The following SRGAP3 variants were observed in gnomAD, a reference collection of about 807,000 sequenced individuals.
SRGAP3 encodes SLIT-ROBO Rho GTPase-activating protein 3.
Under a neutral mutation model 121.1 loss-of-function variants are expected in SRGAP3, and 39 were observed. The ratio of observed to expected loss-of-function variants is 0.32; its 90% CI spans 0.25 to 0.42. SRGAP3 has a LOEUF of 0.42. Ranked by LOEUF, SRGAP3 falls within the 10% of genes least tolerant of loss-of-function variation. The probability of loss-of-function intolerance (pLI) is 1.00; values close to 1 mark genes in which losing one functional copy is unlikely to be tolerated. For missense variants in SRGAP3, 1,213 were observed against 1,470.6 expected (o/e 0.82, Z 2.86); for synonymous variants, 601 against 570.0 (o/e 1.05, Z -0.77).
intron 10 of SRGAP3, among the ~76,000 whole-genome samples, chr3:9,045,452 A>G (rs1462298594): frequency 6.6e-6 from 1 of 152,150 alleles, no homozygotes; most frequent in East Asian, 1.9e-4. Context: ...GTTGAAGGCT[A>G]AATAAACTTG....
chr3:9,277,365 C>T (rs764973591), intron 3 of SRGAP3, among the ~76,000 whole-genome samples: 11 of 151,810 alleles, frequency 7.2e-5, no homozygotes, highest in African/African-American at 2.2e-4. Flanking sequence ...TTTGGGAGGC[C>T]AAGGCGAGCA....
At chr3:9,277,607 C>CAAAAAA (rs35955575) in intron 3 of SRGAP3, among the ~76,000 whole-genome samples, 1 of 59,802 alleles carries the variant, frequency 1.7e-5, no homozygotes, top group Non-Finnish European at 3.0e-5. Context: ...GAAGCCATCT[C>CAAAAAA]AAAAAAAAAA....
intron 3 of SRGAP3, among the ~76,000 whole-genome samples, chr3:9,268,819 C>T (rs1954419001): frequency 1.3e-5 from 2 of 152,326 alleles, no homozygotes; most frequent in South Asian, 4.1e-4. Flanking sequence ...CCAGAACCCA[C>T]TCATTTTTGC....
intron 1 of SRGAP3, among the ~76,000 whole-genome samples, chr3:9,238,506 G>A (rs1436145589): frequency 1.3e-5 from 2 of 152,132 alleles, no homozygotes; most frequent in African/African-American, 4.8e-5. Flanking sequence ...CACCACACGA[G>A]CATATGGGTA....
intron 4 of SRGAP3, among the ~76,000 whole-genome samples, chr3:9,078,535 G>C (rs1947083935): frequency 6.6e-6 from 1 of 152,070 alleles, no homozygotes; most frequent in South Asian, 2.1e-4. Flanking sequence ...TGATGATAGT[G>C]ACACTCAGAA....
chr3:9,047,479 T>C lies in SRGAP3; in HGVS notation c.1324-4A>G. 1 of 1,614,100 alleles carries C rather than the reference T, an allele frequency of 6.2e-7. No individual in the cohort carries two copies. Among genetic ancestry groups the C allele is most frequent in the Non-Finnish European group, 8.5e-7 (1 of 1,179,962 alleles). On this transcript the variant is annotated splice_region_variant and splice_polypyrimidine_tract_variant and intron_variant, in intron 9 of 21. Coordinates refer to ENST00000383836, the MANE Select transcript of SRGAP3 (RefSeq NM_014850.4). The stretch of plus-strand genomic sequence containing the variant: ...CATTCACATACTCTTTAAATTTCTG[T>C]AAGACACAAGGCACAAGGAAGTTAT...
Position 9,058,477 on chromosome 3 carries a change from G to A in SRGAP3, c.802-5C>T. 6.2e-7 allele frequency: 1 copy of A among 1,613,604 alleles called. No individual in the cohort carries two copies. On this transcript the variant is annotated splice_region_variant and splice_polypyrimidine_tract_variant and intron_variant, in intron 6 of 21. Coordinates refer to ENST00000383836, the MANE Select transcript of SRGAP3 (RefSeq NM_014850.4). ...ATGGAAGCCCAAATCACAGCACTTG[G>A]GGAGAGGCAACAACGGAAGGTTATG...
At chr3:9,308,451 A>G (rs1955192985) in intron 3 of SRGAP3, among the ~76,000 whole-genome samples, 1 of 152,178 alleles carries the variant, frequency 6.6e-6, no homozygotes, top group Admixed American at 6.5e-5. Flanking sequence ...CTAGAAGGAG[A>G]ACTGCAGTTC....
rs151202611 is a variant in SRGAP3, at chr3:9,218,754, C to G, written c.67+30131G>C. 1.1e-3 allele frequency among the ~76,000 whole-genome samples: 163 copies of G among 151,950 alleles called. 1 individual carries two copies. The highest frequency in any genetic ancestry group is 1.9e-3 in the Non-Finnish European group (129 of 67,958). ...GTAATCTCTGCTTGGCTCACTGCAA[C>G]CTCAACCTCCCGGATTCAAGTGATC... On this transcript the variant is annotated intron_variant, in intron 1 of 21. Coordinates refer to ENST00000383836, the MANE Select transcript of SRGAP3 (RefSeq NM_014850.4). The surrounding 1 kb of genome is among the most constrained non-coding windows in gnomAD (Gnocchi z 5.3).
At chr3:9,273,972 A>G (rs1204217016) in intron 3 of SRGAP3, among the ~76,000 whole-genome samples, 6 of 152,144 alleles carry the variant, frequency 3.9e-5, no homozygotes, top group Non-Finnish European at 8.8e-5. Flanking sequence ...TATGCAAGTG[A>G]TCATTTTTAA....
At chr3:9,184,673 CCA>C (rs575980469) in intron 1 of SRGAP3, among the ~76,000 whole-genome samples, 128 of 152,214 alleles carry the variant, frequency 8.4e-4, no homozygotes, top group African/African-American at 2.9e-3. Context: ...GAGGACATGG[CCA>C]CAGTGTAAAA....
chr3:9,242,111 G>A (rs941054834), intron 1 of SRGAP3, among the ~76,000 whole-genome samples: 5 of 147,754 alleles, frequency 3.4e-5, no homozygotes, highest in East Asian at 2.0e-4. Flanking sequence ...AGGAAGGAGC[G>A]AAAGGGAGAG....
At chr3:8,988,875 C>T (rs988226460) in intron 21 of SRGAP3, among the ~76,000 whole-genome samples, 9 of 152,274 alleles carry the variant, frequency 5.9e-5, no homozygotes, top group African/African-American at 2.2e-4. Context: ...CTAATGCCCC[C>T]GCTGATCTGA....
At chr3:9,234,548 C>T (rs1953335162) in intron 1 of SRGAP3, among the ~76,000 whole-genome samples, 1 of 152,158 alleles carries the variant, frequency 6.6e-6, no homozygotes, top group African/African-American at 2.4e-5. Flanking sequence ...TATAGAAGGT[C>T]CCCTAAGGAA....
chr3:9,233,278 C>G (rs529435016), intron 1 of SRGAP3, among the ~76,000 whole-genome samples: 1 of 152,314 alleles, frequency 6.6e-6, no homozygotes, highest in African/African-American at 2.4e-5. Flanking sequence ...CACCATGAGC[C>G]GTGATTGAAC....
chr3:9,137,924 GGT>G (rs1949722685), intron 1 of SRGAP3, among the ~76,000 whole-genome samples: 1 of 152,146 alleles, frequency 6.6e-6, no homozygotes, highest in Non-Finnish European at 1.5e-5. Context: ...AAGCTGGCTG[GGT>G]GTGATCAATT....
intron 3 of SRGAP3, among the ~76,000 whole-genome samples, chr3:9,285,529 A>AATC (rs1954753246): frequency 6.6e-6 from 1 of 152,220 alleles, no homozygotes; most frequent in South Asian, 2.1e-4. Context: ...TGCAGAAAAG[A>AATC]ATCTGAACAA....
At chr3:9,108,961 G>A (rs1040142989) in intron 2 of SRGAP3, among the ~76,000 whole-genome samples, 1 of 152,200 alleles carries the variant, frequency 6.6e-6, no homozygotes, top group Non-Finnish European at 1.5e-5. Context: ...CAGTGATTCC[G>A]AGGCTCAGAT....
intron 1 of SRGAP3, among the ~76,000 whole-genome samples, chr3:9,178,465 T>C (rs923899783): frequency 6.6e-6 from 1 of 152,114 alleles, no homozygotes; most frequent in African/African-American, 2.4e-5. Flanking sequence ...TCTCCCTGGA[T>C]TTTCCAATCA....
Sources: gnomAD v4.1 joint callset for allele counts (sites outside exome capture counted in the v4.1 genomes callset) on GRCh38, gnomAD v4.1.1 for gene constraint, Gnocchi (gnomAD v3.1) non-coding constraint, MANE v1.5 for transcripts, NCBI Gene and HGNC (gene_info 2026-07-23, HGNC 2026-07-21) for gene names.